The following TRMT61A variants were observed in gnomAD, a reference collection of about 807,000 sequenced individuals.
TRMT61A encodes the protein tRNA methyltransferase 61A, also known as tRNA (adenine(58)-N(1))-methyltransferase catalytic subunit TRMT61A.
A neutral mutation model predicts 21.3 loss-of-function variants in TRMT61A; 15 were observed. That is an observed-to-expected ratio of 0.70 (90% CI 0.47 to 1.08). The LOEUF (loss-of-function observed/expected upper bound fraction) is 1.08. TRMT61A is among the 50% of genes least tolerant of loss of function. TRMT61A has a pLI of 0.00. For synonymous variants in TRMT61A, 183 were observed against 185.5 expected, an observed-to-expected ratio of 0.99 and a Z score of 0.11; for missense variants, 352 against 426.7, an observed-to-expected ratio of 0.83 and a Z score of 1.54.
chr14:103,534,477 C>T, intron 3 of TRMT61A, 73 bp from the exon 4 acceptor site: 1 of 1,499,960 alleles, frequency 6.7e-7, no homozygotes, highest in Non-Finnish European at 8.9e-7. Flanking sequence ...GGTGGGAGTC[C>T]AGGGATGCTA....
At position 103,532,617 on chromosome 14, in the gene TRMT61A, C is replaced by T. The variant is rs749517669; in HGVS notation, c.367C>T (p.Arg123Cys). 1.2e-5 allele frequency: 20 copies of T among 1,613,322 alleles called. No individual in the cohort carries two copies. The highest frequency in any genetic ancestry group is 4.0e-5 in the African/African-American group (3 of 74,930). ...TGGCTCTGTGTCCCACGCCATCATCCGCACCATTGCACCCACGGGTCACCT... is the reference window on the plus strand; with the variant it reads ...TGGCTCTGTGTCCCACGCCATCATCTGCACCATTGCACCCACGGGTCACCT... ...GSGSVSHAII[R>C]TIAPTGHLHT... The change falls in exon 3 of 4, where the codon CGC becomes TGC. Residue 123 changes from arginine (R) to cysteine (C), a missense_variant. Coordinates refer to ENST00000389749, the MANE Select transcript of TRMT61A (RefSeq NM_152307.3).
At chr14:103,532,455 C>T (rs2075957809) in intron 2 of TRMT61A, 127 bp from the exon 3 acceptor site, 1 of 1,183,186 alleles carries the variant, frequency 8.5e-7, no homozygotes, top group Non-Finnish European at 1.2e-6. Flanking sequence ...ATGACGCCCA[C>T]CTGTAGCTTG....
chr14:103,532,133 C>T (rs956096377), intron 2 of TRMT61A, among the ~76,000 whole-genome samples: 5 of 152,008 alleles, frequency 3.3e-5, no homozygotes, highest in African/African-American at 1.2e-4. Context: ...GCATGAGGAC[C>T]GGCAGGGTGG....
Position 103,534,534 on chromosome 14 carries a change from G to T in TRMT61A, c.599-16G>T, listed in dbSNP as rs760652025. 4.5e-6 allele frequency: 7 copies of T among 1,544,066 alleles called. No homozygotes were observed. Among genetic ancestry groups the T allele is most frequent in the South Asian group, 2.5e-5 (2 of 81,570 alleles). ...GCCACCCCTGCCCTCTGACCCTCGG[G>T]TCCTGTTTCCCACAGGCGGGCGCTT... On this transcript the variant is annotated splice_polypyrimidine_tract_variant and intron_variant, in intron 3 of 3. Transcript: ENST00000389749.
rs1286550283 is a variant in TRMT61A, at chr14:103,535,206, C to T, written c.*385C>T. ...GGGCATTGACCCTGAGACCACGCTG[C>T]GTCTGACCCCTGGGCCCCCACGGCC... On this transcript the variant is annotated 3_prime_UTR_variant, in exon 4 of 4. Coordinates refer to ENST00000389749, the MANE Select transcript of TRMT61A (RefSeq NM_152307.3). The T allele has an allele frequency of 2.7e-5, 13 of 488,392 alleles. No individual in the cohort carries two copies. The highest frequency in any genetic ancestry group is 2.3e-4 in the Admixed American group (10 of 43,226). 30.3% of individuals were successfully genotyped at this position (488,392 alleles called of 1,614,324 possible). A position where few individuals can be genotyped will look rare whatever the true frequency, so the allele number is the denominator to read the frequency against.
In TRMT61A at chr14:103,535,619, G is replaced by A. The variant is rs548457185; in HGVS notation, c.*798G>A. On this transcript the variant is annotated 3_prime_UTR_variant, in exon 4 of 4. Transcript: ENST00000389749. ...GTGTGAATGCCAGCCTGTGAGTCCC[G>A]GAACTATGTGGGTACCCCTACCCCT... 1.9e-3 allele frequency: 615 copies of A among 331,964 alleles called. No homozygotes were observed. Among genetic ancestry groups the A allele is most frequent in the Non-Finnish European group, 3.1e-3 (521 of 166,934 alleles). 20.6% of individuals were successfully genotyped at this position (331,964 alleles called of 1,614,324 possible).
intron 3 of TRMT61A, among the ~76,000 whole-genome samples, chr14:103,534,098 G>A (rs2075964482): frequency 6.6e-6 from 1 of 152,222 alleles, no homozygotes; most frequent in Admixed American, 6.5e-5. Flanking sequence ...CTCGGGCTCT[G>A]CTTCGAGTAG....
At chr14:103,534,471 G>C in intron 3 of TRMT61A, 79 bp from the exon 4 acceptor site, 1 of 1,486,092 alleles carries the variant, frequency 6.7e-7, no homozygotes, top group Non-Finnish European at 9.0e-7. Flanking sequence ...CCCTAGGGTG[G>C]GAGTCCAGGG....
Position 103,534,700 on chromosome 14 carries a change from T to C in TRMT61A, c.749T>C (p.Leu250Pro). The stretch of plus-strand genomic sequence containing the variant: ...ACTGTCAGCCTGCCACCGCCCGACC[T>C]GGGCACAGGCACAGATGGCCCTGCC... ...VRTVSLPPPDLGTGTDGPAGS... is the reference protein window; with the variant it reads ...VRTVSLPPPDPGTGTDGPAGS... Residue 250 changes from leucine to proline, a missense_variant, in exon 4 of 4, where the codon CTG (leucine) becomes CCG (proline). Transcript: ENST00000389749. 6.2e-7 allele frequency: 1 copy of C among 1,608,038 alleles called. No homozygotes were observed. Among genetic ancestry groups the C allele is most frequent in the Non-Finnish European group, 8.5e-7 (1 of 1,179,368 alleles).
chr14:103,529,805 T>A, intron 1 of TRMT61A, 145 bp from the exon 2 acceptor site: 1 of 628,406 alleles, frequency 1.6e-6, no homozygotes, highest in South Asian at 2.1e-5. Flanking sequence ...GGGCTCCCTG[T>A]CAGGCAGTGG....
chr14:103,534,515 C>T, intron 3 of TRMT61A, 35 bp from the exon 4 acceptor site: 1 of 1,530,998 alleles, frequency 6.5e-7, no homozygotes. Flanking sequence ...CTCTGCCACC[C>T]CTGCCCTCTG....
Position 103,534,701 on chromosome 14 carries a change from G to A in TRMT61A, c.750G>A (p.Leu250=). 1.2e-6 allele frequency: 2 copies of A among 1,607,958 alleles called. No individual in the cohort carries two copies. The highest frequency in any genetic ancestry group is 1.7e-6 in the Non-Finnish European group (2 of 1,179,378). ...VRTVSLPPPD[L]GTGTDGPAGS... is the part of the protein sequence containing the mutation. ...CTGTCAGCCTGCCACCGCCCGACCT[G>A]GGCACAGGCACAGATGGCCCTGCCG... The change falls in exon 4 of 4, where the codon CTG becomes CTA. Residue 250 remains leucine (L), a synonymous_variant. Transcript: ENST00000389749.
chr14:103,530,391 A>G (rs1380045941), intron 2 of TRMT61A, 82 bp downstream of exon 2: 7 of 1,250,958 alleles, frequency 5.6e-6, no homozygotes, highest in Non-Finnish European at 7.8e-6. Flanking sequence ...CCCTTCCTAC[A>G]GACACATGTG....
rs545961410 is a variant in TRMT61A at position 103,535,166 on chromosome 14, G to A, written c.*345G>A. On this transcript the variant is annotated 3_prime_UTR_variant, in exon 4 of 4. Transcript: ENST00000389749. ...CCAGGTGGGCCTAAGCAGGAAGGGGGTGGAGGAGGGAGGGGGGCATTGACC... is the reference window on the plus strand; with the variant it reads ...CCAGGTGGGCCTAAGCAGGAAGGGGATGGAGGAGGGAGGGGGGCATTGACC... 6 of 562,312 alleles carry A rather than the reference G, an allele frequency of 1.1e-5. No homozygotes were observed. The highest frequency in any genetic ancestry group is 7.6e-5 in the South Asian group (5 of 65,504). 34.8% of individuals were successfully genotyped at this position (562,312 alleles called of 1,614,324 possible). A position where few individuals can be genotyped will look rare whatever the true frequency, so the allele number is the denominator to read the frequency against.
chr14:103,530,302 T>C lies in TRMT61A; in HGVS notation c.324T>C (p.Cys108=). Residue 108 remains cysteine, a synonymous_variant, in exon 2 of 4, where the codon TGT becomes TGC. Transcript: ENST00000389749. ...MLELRPGSVV[C]ESGTGSGSVS... ...AGCTTCGGCCCGGCTCTGTGGTCTG[T>C]GAGTCTGGTGAGTTCCTCAGGCTGC... 1.9e-6 allele frequency: 3 copies of C among 1,581,288 alleles called. No homozygotes were observed. Among genetic ancestry groups the C allele is most frequent in the Non-Finnish European group, 1.7e-6 (2 of 1,155,388 alleles).
At chr14:103,532,222 G>A (rs948396709) in intron 2 of TRMT61A, among the ~76,000 whole-genome samples, 3 of 152,156 alleles carry the variant, frequency 2.0e-5, no homozygotes, top group Non-Finnish European at 4.4e-5. Flanking sequence ...TGGCCTCCCT[G>A]TCCCCCTTGC....
At position 103,531,877 on chromosome 14, in the gene TRMT61A, G is replaced by A. The variant is rs1184184395; in HGVS notation, c.332-705G>A. 6.6e-6 allele frequency among the ~76,000 whole-genome samples: 1 copy of A among 152,020 alleles called. No homozygotes were observed. Among genetic ancestry groups the A allele is most frequent in the Non-Finnish European group, 1.5e-5 (1 of 67,978 alleles). ...AGCTGGAGTGGGAGGAGGGATGCAA[G>A]CCTTGACCCTCTCCATAAGACAGGA... is the stretch of plus-strand genomic sequence containing the variant. On this transcript the variant is annotated intron_variant, in intron 2 of 3. Coordinates refer to ENST00000389749, the MANE Select transcript of TRMT61A (RefSeq NM_152307.3). The surrounding 1 kb of genome is among the most constrained non-coding windows in gnomAD (Gnocchi z 5.1).
chr14:103,529,515 G>A (rs1287680341), intron 1 of TRMT61A, among the ~76,000 whole-genome samples: 1 of 152,260 alleles, frequency 6.6e-6, no homozygotes, highest in African/African-American at 2.4e-5. Flanking sequence ...CTGGGGTGAG[G>A]AATCAAGCCT....
In TRMT61A at chr14:103,531,377, G is replaced by A. The variant is rs1008608363; in HGVS notation, c.331+1068G>A. ...GGACATTTGAGTTGAAAATGATGAGGAGGGACCTACGAAGAGCCAAGGGAC... is the reference window on the plus strand; with the variant it reads ...GGACATTTGAGTTGAAAATGATGAGAAGGGACCTACGAAGAGCCAAGGGAC... On this transcript the variant is annotated intron_variant, in intron 2 of 3. Coordinates refer to ENST00000389749, the MANE Select transcript of TRMT61A (RefSeq NM_152307.3). This position sits in a 1 kb window ranked among gnomAD's most constrained non-coding sequence, Gnocchi z 5.1. Among the ~76,000 whole-genome samples, 1 of 152,216 alleles carries A rather than the reference G, an allele frequency of 6.6e-6. No homozygotes were observed. The highest frequency in any genetic ancestry group is 1.5e-5 in the Non-Finnish European group (1 of 68,046).
Sources: allele counts gnomAD v4.1 joint callset (sites outside exome capture counted in the v4.1 genomes callset), GRCh38; gene constraint gnomAD v4.1.1; non-coding constraint Gnocchi (gnomAD v3.1); transcripts MANE v1.5; gene names NCBI Gene and HGNC (gene_info 2026-07-23, HGNC 2026-07-21).